GRK7: variants seen among roughly 807,000 people sequenced by gnomAD.
GRK7 encodes the protein G protein-coupled receptor kinase 7, also known as rhodopsin kinase GRK7.
GRK7 carries 24 observed loss-of-function variants against 34.1 expected under a neutral mutation model. That is an observed-to-expected ratio of 0.70 (90% CI 0.51 to 0.99). The LOEUF is 0.99. Among genes scored for constraint, GRK7 ranks in the 50% least tolerant of loss-of-function variants. The probability of loss-of-function intolerance (pLI) is 0.00; values close to 1 mark genes in which losing one functional copy is unlikely to be tolerated. For synonymous variants in GRK7, 256 were observed against 279.4 expected (o/e 0.92, Z 0.84); for missense variants, 644 against 707.3 (o/e 0.91, Z 1.02).
chr3:141,795,529 T>C (rs1159312158), intron 4 of GRK7, among the ~76,000 whole-genome samples: 1 of 152,030 alleles, frequency 6.6e-6, no homozygotes, highest in Non-Finnish European at 1.5e-5. Context: ...ACGATACAAC[T>C]AGAGAGTTTA....
chr3:141,767,410 T>C (rs553504501), intron 1 of GRK7, among the ~76,000 whole-genome samples: 1 of 152,106 alleles, frequency 6.6e-6, no homozygotes, highest in South Asian at 2.1e-4. Context: ...TTTGTTTTTT[T>C]TTTTTGAGAC....
Position 141,780,822 on chromosome 3 carries a change from C to G in GRK7, c.1050+11C>G. The G allele has an allele frequency of 6.2e-7, 1 of 1,604,574 alleles. No individual in the cohort carries two copies. Among genetic ancestry groups the G allele is most frequent in the Non-Finnish European group, 8.5e-7 (1 of 1,173,602 alleles). ...CCCATCACCCAGAGGGTGAGTGACT[C>G]TCCACCTGCCCCAAGTGCGGGGCAC... is the stretch of plus-strand genomic sequence containing the variant. On this transcript the variant is annotated intron_variant, in intron 4 of 5. Transcript: ENST00000682958.
intron 5 of GRK7, among the ~76,000 whole-genome samples, chr3:141,813,521 C>T (rs1711117946): frequency 6.6e-6 from 1 of 152,176 alleles, no homozygotes; most frequent in African/African-American, 2.4e-5. Context: ...CTGGGGCAGT[C>T]GGTTCTGGTA....
At chr3:141,798,245 T>C (rs1710915166) in intron 4 of GRK7, among the ~76,000 whole-genome samples, 1 of 152,144 alleles carries the variant, frequency 6.6e-6, no homozygotes, top group Non-Finnish European at 1.5e-5. Flanking sequence ...ATTACTGTAC[T>C]AGAAGGACTT....
chr3:141,778,336 C>T lies in GRK7; in HGVS notation c.52C>T (p.Gln18Ter), dbSNP rs200671434. ...CCTGATCGCCAACACCGCCTACCTGCAGGCCCGGAAGCCCTCGGACTGCGA... is the reference window on the plus strand; with the variant it reads ...CCTGATCGCCAACACCGCCTACCTGTAGGCCCGGAAGCCCTCGGACTGCGA... ...DNLIANTAYL[Q>*]ARKPSDCDSK... The change falls in exon 3 of 6, where the codon CAG becomes TAG. Residue 18 changes from glutamine to a stop codon, truncating the protein, a stop_gained. Coordinates refer to ENST00000682958, the MANE Select transcript of GRK7 (RefSeq NM_139209.3). LOFTEE classifies it high-confidence loss of function. This position sits in a 1 kb window ranked among gnomAD's most constrained non-coding sequence, Gnocchi z 4.1. The T allele has an allele frequency of 4.8e-5, 77 of 1,603,584 alleles. No homozygotes were observed. The highest frequency in any genetic ancestry group is 4.2e-5 in the Non-Finnish European group (49 of 1,173,300).
At chr3:141,794,325 G>A (rs1215641953) in intron 4 of GRK7, among the ~76,000 whole-genome samples, 1 of 152,256 alleles carries the variant, frequency 6.6e-6, no homozygotes, top group Non-Finnish European at 1.5e-5. Context: ...GCAGCTGGAG[G>A]GTGGGGGCCA....
At chr3:141,813,677 G>A (rs1711119566) in intron 5 of GRK7, among the ~76,000 whole-genome samples, 1 of 152,152 alleles carries the variant, frequency 6.6e-6, no homozygotes, top group Non-Finnish European at 1.5e-5. Flanking sequence ...TCTGGAAGTG[G>A]GTAGGGCTGG....
intron 4 of GRK7, among the ~76,000 whole-genome samples, chr3:141,797,177 G>T (rs1278469869): frequency 6.6e-6 from 1 of 152,226 alleles, no homozygotes; most frequent in Non-Finnish European, 1.5e-5. Context: ...TCTGTGAAAT[G>T]GGTGTCCTTC....
intron 1 of GRK7, among the ~76,000 whole-genome samples, chr3:141,766,903 A>C (rs1205665517): frequency 6.6e-6 from 1 of 152,234 alleles, no homozygotes; most frequent in Non-Finnish European, 1.5e-5. Context: ...TCCAAATGGA[A>C]TCTCTATCAG....
the GRK7 span, among the ~76,000 whole-genome samples, chr3:141,750,509 G>T: frequency 6.6e-6 from 1 of 152,160 alleles, no homozygotes; most frequent in Non-Finnish European, 1.5e-5. Context: ...TCTACCTCAT[G>T]GAGTTGTTAT....
Position 141,778,365 on chromosome 3 carries a change from C to T in GRK7, c.81C>T (p.Ser27=). ...CCCGGAAGCCCTCGGACTGCGACAG[C>T]AAAGAGCTGCAGCGGCGGCGGCGTA... ...LQARKPSDCD[S]KELQRRRRSL... The change falls in exon 3 of 6, where the codon AGC becomes AGT. Residue 27 remains serine, a synonymous_variant. Coordinates refer to ENST00000682958, the MANE Select transcript of GRK7 (RefSeq NM_139209.3). This position sits in a 1 kb window ranked among gnomAD's most constrained non-coding sequence, Gnocchi z 4.1. 1 of 1,611,200 alleles carries T rather than the reference C, an allele frequency of 6.2e-7. No individual in the cohort carries two copies. The highest frequency in any genetic ancestry group is 8.5e-7 in the Non-Finnish European group (1 of 1,178,378).
intron 5 of GRK7, among the ~76,000 whole-genome samples, chr3:141,808,613 T>C (rs1422048014): frequency 6.6e-6 from 1 of 151,966 alleles, no homozygotes; most frequent in African/African-American, 2.4e-5. Context: ...CTCGGGAGGC[T>C]AAGGCAGGAG....
At chr3:141,797,293 C>CCT (rs1203791855) in intron 4 of GRK7, among the ~76,000 whole-genome samples, 1 of 152,194 alleles carries the variant, frequency 6.6e-6, no homozygotes, top group Non-Finnish European at 1.5e-5. Context: ...GCAGGAGCGG[C>CCT]CTCCGCGCGA....
chr3:141,786,165 G>A (rs1164451798), intron 4 of GRK7, among the ~76,000 whole-genome samples: 2 of 152,106 alleles, frequency 1.3e-5, no homozygotes, highest in African/African-American at 2.4e-5. Flanking sequence ...TGTTTTGGGG[G>A]ATGTTAAAGG....
Position 141,817,069 on chromosome 3 carries a change from C to G in GRK7, c.*19C>G. 6.5e-7 allele frequency: 1 copy of G among 1,538,036 alleles called. No individual in the cohort carries two copies. Among genetic ancestry groups the G allele is most frequent in the Non-Finnish European group, 8.8e-7 (1 of 1,139,450 alleles). On this transcript the variant is annotated 3_prime_UTR_variant, in exon 6 of 6. Coordinates refer to ENST00000682958, the MANE Select transcript of GRK7 (RefSeq NM_139209.3). ...ATTGTAAATTGCTCTCTTTACCAGA[C>G]AGGCAGCAGGAGTCTCGGCTGACAT... is the stretch of plus-strand genomic sequence containing the variant.
chr3:141,804,253 G>A (rs1250285515), intron 4 of GRK7, among the ~76,000 whole-genome samples: 1 of 152,102 alleles, frequency 6.6e-6, no homozygotes, highest in Non-Finnish European at 1.5e-5. Flanking sequence ...GAGAGATGTT[G>A]TCTTTAGTCA....
rs779669917 is a variant in GRK7, at chr3:141,778,652, A to C, written c.368A>C (p.Gln123Pro). The C allele has an allele frequency of 1.1e-5, 17 of 1,613,280 alleles. No homozygotes were observed. Among genetic ancestry groups the C allele is most frequent in the Non-Finnish European group, 1.3e-5 (15 of 1,179,814 alleles). The stretch of plus-strand genomic sequence containing the variant: ...AGTGCCCCTGCCCCGGGGAACCCGC[A>C]ACCCTTCCTCAGCCAGGCCGTGGCC... ...CASAPAPGNP[Q>P]PFLSQAVATK... Residue 123 changes from glutamine (Q) to proline (P), a missense_variant, in exon 3 of 6, where the codon CAA becomes CCA. Physicochemically the swap from Gln to Pro is moderately conservative, Grantham distance 76. Transcript: ENST00000682958. This position sits in a 1 kb window ranked among gnomAD's most constrained non-coding sequence, Gnocchi z 4.1.
At position 141,811,748 on chromosome 3, in the gene GRK7, G is replaced by A. The variant is rs77192116; in HGVS notation, c.1325+3829G>A. 5.4e-4 allele frequency among the ~76,000 whole-genome samples: 82 copies of A among 152,202 alleles called. 1 individual carries two copies. In the East Asian group the frequency reaches 0.013, roughly 25 times the overall value. On this transcript the variant is annotated intron_variant, in intron 5 of 5. Transcript: ENST00000682958. Reference sequence around the variant, plus strand: ...TCCTCCAAGCCAAGGCAAATGCCTCGACAGCATGTTACACAGCAGAGTTCA... The same window carrying A: ...TCCTCCAAGCCAAGGCAAATGCCTCAACAGCATGTTACACAGCAGAGTTCA...
chr3:141,760,325 C>G (rs868207974), upstream of GRK7, among the ~76,000 whole-genome samples: 839 of 131,850 alleles, frequency 6.4e-3, 3 homozygotes, highest in Non-Finnish European at 7.6e-3. Flanking sequence ...TCTTTGTTCT[C>G]GTTGGTTTCA....
Sources: allele counts gnomAD v4.1 joint callset (sites outside exome capture counted in the v4.1 genomes callset), GRCh38; gene constraint gnomAD v4.1.1; non-coding constraint Gnocchi (gnomAD v3.1); transcripts MANE v1.5; gene names NCBI Gene and HGNC (gene_info 2026-07-23, HGNC 2026-07-21).